The following GPC6 variants were observed in gnomAD, a reference collection of about 807,000 sequenced individuals.
GPC6 encodes the protein glypican 6.
Under a neutral mutation model 55.2 loss-of-function variants are expected in GPC6, and 14 were observed. That is an observed-to-expected ratio of 0.25 (90% CI 0.17 to 0.40). The LOEUF (loss-of-function observed/expected upper bound fraction) is 0.40. GPC6 is among the 10% of genes least tolerant of loss of function. GPC6 has a pLI of 1.00. For missense variants in GPC6, 641 were observed against 708.5 expected (o/e 0.90, Z 1.08); for synonymous variants, 278 against 259.6 (o/e 1.07, Z -0.68).
intron 2 of GPC6, among the ~76,000 whole-genome samples, chr13:93,557,298 T>C (rs940178975): frequency 1.3e-5 from 2 of 152,162 alleles, no homozygotes; most frequent in African/African-American, 4.8e-5. Context: ...AACTTCGGAC[T>C]GCTTTTTCCA....
intron 3 of GPC6, among the ~76,000 whole-genome samples, chr13:93,903,528 A>G (rs528312015): frequency 1.3e-3 from 197 of 152,148 alleles, no homozygotes; most frequent in South Asian, 8.9e-3. Flanking sequence ...TTTTTTTTCC[A>G]TATCTTTGCT....
At chr13:93,658,408 T>C (rs1041267712) in intron 2 of GPC6, among the ~76,000 whole-genome samples, 5 of 151,940 alleles carry the variant, frequency 3.3e-5, no homozygotes, top group African/African-American at 1.2e-4. Flanking sequence ...TATCAACTCA[T>C]ATTAATTTTT....
chr13:94,028,296 G>C (rs538362832), intron 4 of GPC6, among the ~76,000 whole-genome samples: 1 of 152,096 alleles, frequency 6.6e-6, no homozygotes, highest in African/African-American at 2.4e-5. Context: ...GACTTTTAGA[G>C]ACTAGGATGG....
chr13:93,712,815 A>G (rs888287631), intron 2 of GPC6, among the ~76,000 whole-genome samples: 14 of 151,668 alleles, frequency 9.2e-5, no homozygotes, highest in African/African-American at 3.4e-4. Context: ...TTCCTGGGGA[A>G]CAAAATCAAT....
At chr13:93,593,729 C>A (rs1396919008) in intron 2 of GPC6, among the ~76,000 whole-genome samples, 1 of 151,960 alleles carries the variant, frequency 6.6e-6, no homozygotes, top group Non-Finnish European at 1.5e-5. Context: ...TGCAGATATA[C>A]AAGTGATATT....
intron 2 of GPC6, among the ~76,000 whole-genome samples, chr13:93,558,019 T>C (rs1246204806): frequency 6.6e-6 from 1 of 152,202 alleles, no homozygotes; most frequent in Non-Finnish European, 1.5e-5. Flanking sequence ...TCAAGTTTTA[T>C]TTAGAAAAAT....
intron 3 of GPC6, among the ~76,000 whole-genome samples, chr13:94,014,611 C>G (rs1882386695): frequency 6.6e-6 from 1 of 152,092 alleles, no homozygotes; most frequent in South Asian, 2.1e-4. Flanking sequence ...TTCCCATAAT[C>G]TAATTATGGA....
chr13:93,814,346 T>A (rs1199004971), intron 2 of GPC6, among the ~76,000 whole-genome samples: 1 of 152,132 alleles, frequency 6.6e-6, no homozygotes, highest in African/African-American at 2.4e-5. Flanking sequence ...TCATTAGATA[T>A]TTATTTGTAA....
At chr13:93,663,589 T>G (rs970337270) in intron 2 of GPC6, among the ~76,000 whole-genome samples, 1 of 152,200 alleles carries the variant, frequency 6.6e-6, no homozygotes, top group Non-Finnish European at 1.5e-5. Context: ...TGTTTGAGAT[T>G]TAAATGCAAT....
chr13:94,026,261 A>AT (rs1882890702), intron 3 of GPC6, among the ~76,000 whole-genome samples: 1 of 152,198 alleles, frequency 6.6e-6, no homozygotes, highest in Non-Finnish European at 1.5e-5. Context: ...AAAGGCTTGC[A>AT]TTAAGAATCT....
intron 1 of GPC6, among the ~76,000 whole-genome samples, chr13:93,526,883 C>T (rs954702747): frequency 1.3e-5 from 2 of 152,034 alleles, no homozygotes; most frequent in African/African-American, 4.8e-5. Flanking sequence ...CATGTGGCTT[C>T]CAGCAGTATC....
At chr13:94,344,034 CATT>C (rs1566699947) in intron 6 of GPC6, among the ~76,000 whole-genome samples, 1 of 152,108 alleles carries the variant, frequency 6.6e-6, no homozygotes, top group African/African-American at 2.4e-5. Flanking sequence ...CCTGGCCCAT[CATT>C]ATTATTTTAA....
intron 4 of GPC6, among the ~76,000 whole-genome samples, chr13:94,134,595 C>T (rs1887118034): frequency 6.6e-6 from 1 of 152,148 alleles, no homozygotes; most frequent in Non-Finnish European, 1.5e-5. Flanking sequence ...CCTAATATAG[C>T]ACATAACTTA....
intron 3 of GPC6, among the ~76,000 whole-genome samples, chr13:93,866,252 G>A (rs1888960829): frequency 1.3e-5 from 2 of 151,700 alleles, no homozygotes; most frequent in Non-Finnish European, 3.0e-5. Flanking sequence ...AACAATTGTA[G>A]TGTAGCCATA....
At chr13:94,226,311 C>T (rs904230023) in intron 4 of GPC6, among the ~76,000 whole-genome samples, 2 of 152,062 alleles carry the variant, frequency 1.3e-5, no homozygotes, top group Non-Finnish European at 2.9e-5. Flanking sequence ...GATTGGTCAG[C>T]GGGCCCAGAG....
chr13:93,350,824 G>A (rs1214847351), intron 1 of GPC6, among the ~76,000 whole-genome samples: 1 of 152,178 alleles, frequency 6.6e-6, no homozygotes, highest in Admixed American at 6.5e-5. Flanking sequence ...TCAGATTGAT[G>A]TTGGTCTATC....
At chr13:94,134,554 A>G (rs1393923345) in intron 4 of GPC6, among the ~76,000 whole-genome samples, 1 of 152,228 alleles carries the variant, frequency 6.6e-6, no homozygotes, top group African/African-American at 2.4e-5. Context: ...AGTTTTACAA[A>G]TTACCACATT....
intron 1 of GPC6, among the ~76,000 whole-genome samples, chr13:93,426,672 A>G (rs867559009): frequency 0.035 from 5,344 of 151,972 alleles, 300 homozygotes; most frequent in African/African-American, 0.12. Flanking sequence ...AGTCTTTGCT[A>G]TTGTGAATAG....
chr13:93,726,152 A>G (rs1883631880), intron 2 of GPC6, among the ~76,000 whole-genome samples: 1 of 145,276 alleles, frequency 6.9e-6, no homozygotes, highest in Non-Finnish European at 1.5e-5. Flanking sequence ...ACACACACAC[A>G]TATCAAGCAA....
Sources: gnomAD v4.1 joint callset for allele counts (sites outside exome capture counted in the v4.1 genomes callset) on GRCh38, gnomAD v4.1.1 for gene constraint, MANE v1.5 for transcripts, NCBI Gene and HGNC (gene_info 2026-07-23, HGNC 2026-07-21) for gene names.